Variants in ENOSF1 observed in about 807,000 individuals in gnomAD.
ENOSF1 encodes mitochondrial enolase superfamily member 1.
A neutral mutation model predicts 68.2 loss-of-function variants in ENOSF1; 73 were observed. That is an observed-to-expected ratio of 1.07 (90% CI 0.89 to 1.30). ENOSF1 has a LOEUF of 1.30. Ranked by LOEUF, ENOSF1 falls within the 50% of genes most tolerant of loss-of-function variation. ENOSF1 has a pLI of 0.00. For missense variants in ENOSF1, 589 were observed against 554.5 expected, an observed-to-expected ratio of 1.06 and a Z score of -0.62; for synonymous variants, 223 against 210.4, an observed-to-expected ratio of 1.06 and a Z score of -0.52.
At chr18:676,440 G>A (rs2075524650) in intron 14 of ENOSF1, among the ~76,000 whole-genome samples, 1 of 152,164 alleles carries the variant, frequency 6.6e-6, no homozygotes, top group Admixed American at 6.6e-5. Context: ...GTTTAAAAGT[G>A]TGTAGCACCT....
At chr18:690,711 C>A in intron 7 of ENOSF1, 80 bp from the exon 8 acceptor site, 1 of 1,588,888 alleles carries the variant, frequency 6.3e-7, no homozygotes, top group Non-Finnish European at 8.6e-7. Flanking sequence ...TAAGCTGTTT[C>A]CCCTGGAGAG....
chr18:663,119 TAC>T, the ENOSF1 span, among the ~76,000 whole-genome samples: 1 of 96,950 alleles, frequency 1.0e-5, no homozygotes, highest in Non-Finnish European at 1.9e-5. Flanking sequence ...TGAACTAGTT[TAC>T]AGTCCCACCA....
At chr18:690,701 T>TAAGCTGTTTCCCCTGGAGAGTC in intron 7 of ENOSF1, 70 bp from the exon 8 acceptor site, 2 of 1,121,848 alleles carry the variant, frequency 1.8e-6, no homozygotes, top group African/African-American at 2.4e-5. Flanking sequence ...TGCCTGTAGC[T>TAAGCTGTTTCCCCTGGAGAGTC]AAGCTGTTTC....
In ENOSF1 at chr18:670,445, G is replaced by C; in HGVS notation, c.*3860C>G. ...CCACGAGGTAGCCCAGATCCCTTCA[G>C]CTCTGATGGAAGAGCATTGCTTCAG... On this transcript the variant is annotated 3_prime_UTR_variant, in exon 16 of 16. Coordinates refer to ENST00000647584, the MANE Select transcript of ENOSF1 (RefSeq NM_017512.7). 1 of 502,022 alleles carries C rather than the reference G, an allele frequency of 2.0e-6. No homozygotes were observed. Among genetic ancestry groups the C allele is most frequent in the Non-Finnish European group, 3.6e-6 (1 of 280,092 alleles). 31.1% of individuals were successfully genotyped at this position (502,022 alleles called of 1,614,324 possible).
intron 2 of ENOSF1, among the ~76,000 whole-genome samples, chr18:699,002 C>G (rs1057362570): frequency 2.0e-5 from 3 of 152,158 alleles, no homozygotes; most frequent in Admixed American, 6.6e-5. Flanking sequence ...ACACGCAACA[C>G]CACACCAGCT....
intron 2 of ENOSF1, among the ~76,000 whole-genome samples, chr18:699,061 C>G (rs1464156064): frequency 1.3e-5 from 2 of 152,122 alleles, no homozygotes; most frequent in African/African-American, 4.8e-5. Context: ...TTGCATGGGG[C>G]AGTGGGTGGG....
At chr18:692,621 AAAAAAGAAAAAAG>A (rs2077306498) in intron 5 of ENOSF1, 7 of 808,142 alleles carry the variant, frequency 8.7e-6, no homozygotes, top group Non-Finnish European at 1.0e-5. Context: ...GAAAGAAAGA[AAAAAAGAAAAAAG>A]AAAAGAGTAC....
chr18:683,194 G>T (rs1443922388), intron 11 of ENOSF1, 52 bp downstream of exon 11: 1 of 1,608,148 alleles, frequency 6.2e-7, no homozygotes, highest in African/African-American at 1.3e-5. Context: ...CAGCACTCTG[G>T]AAAACTAAAC....
intron 11 of ENOSF1, among the ~76,000 whole-genome samples, chr18:682,273 A>G (rs2076151411): frequency 6.6e-6 from 1 of 152,190 alleles, no homozygotes; most frequent in Admixed American, 6.5e-5. Context: ...CCTAGGCTAT[A>G]TGGCATGGCC....
intron 13 of ENOSF1, 125 bp from the exon 14 acceptor site, chr18:677,569 A>G (rs1034535457): frequency 7.9e-6 from 10 of 1,267,544 alleles, no homozygotes; most frequent in African/African-American, 7.5e-5. Context: ...TTTAGGAAGG[A>G]AATTCCAAGA....
Position 670,489 on chromosome 18 carries a change from A to G in ENOSF1, c.*3816T>C. On this transcript the variant is annotated 3_prime_UTR_variant, in exon 16 of 16. Transcript: ENST00000647584. ...GCTTCAGCCGTAAATGGACACCTGCAGAAACCTTGCACCGATGGATAGTCT... is the reference window on the plus strand; with the variant it reads ...GCTTCAGCCGTAAATGGACACCTGCGGAAACCTTGCACCGATGGATAGTCT... 1.7e-6 allele frequency: 1 copy of G among 572,878 alleles called. No individual in the cohort carries two copies. Among genetic ancestry groups the G allele is most frequent in the East Asian group, 2.9e-5 (1 of 34,470 alleles). The allele number at this position is 572,878 out of a possible 1,614,324, so 35.5% of individuals were successfully genotyped here.
At chr18:701,480 C>G (rs2145320901) in intron 2 of ENOSF1, among the ~76,000 whole-genome samples, 1 of 152,096 alleles carries the variant, frequency 6.6e-6, no homozygotes, top group Middle Eastern at 3.4e-3. Flanking sequence ...AAAGGCTGGC[C>G]ACGGTGGCTC....
intron 1 of ENOSF1, among the ~76,000 whole-genome samples, chr18:711,641 C>CG (rs1568159217): frequency 6.6e-6 from 1 of 152,264 alleles, no homozygotes; most frequent in South Asian, 2.1e-4. Context: ...CCGCTCTAGA[C>CG]GGGGGCAGGG....
rs1555673646 is a variant in ENOSF1 at position 706,801 on chromosome 18, G to GTATATA, written c.85-229_85-224dup. 5.7e-3 allele frequency: 860 copies of GTATATA among 151,148 alleles called. 6 individuals are homozygous for GTATATA. Among genetic ancestry groups the GTATATA allele is most frequent in the African/African-American group, 0.014 (493 of 34,950 alleles). The allele number at this position is 151,148 out of a possible 1,614,324, so 9.4% of individuals were successfully genotyped here. A position where few individuals can be genotyped will look rare whatever the true frequency, so the allele number is the denominator to read the frequency against. ...AAATGTTTCAACAAGAGCAATGTAT[G>GTATATA]TATATATATATATATTTTTTTTTTT... On this transcript the variant is annotated intron_variant, in intron 1 of 15. Coordinates refer to ENST00000647584, the MANE Select transcript of ENOSF1 (RefSeq NM_017512.7).
At chr18:678,775 G>C (rs1176863030) in intron 11 of ENOSF1, 38 bp from the exon 12 acceptor site, 1 of 1,603,024 alleles carries the variant, frequency 6.2e-7, no homozygotes, top group Admixed American at 1.7e-5. Flanking sequence ...ATTTTCCTAA[G>C]TTTTGAACTG....
At chr18:667,950 T>A (rs2853525), downstream of ENOSF1, among the ~76,000 whole-genome samples, 6,828 of 148,528 alleles carry the variant, frequency 0.046, 523 homozygotes, top group African/African-American at 0.16. Flanking sequence ...TAGGAAAGTT[T>A]GTCCCTTTTT....
intron 4 of ENOSF1, 145 bp downstream of exon 4, chr18:694,103 A>C: frequency 9.5e-7 from 1 of 1,055,714 alleles, no homozygotes; most frequent in Non-Finnish European, 1.4e-6. Flanking sequence ...TACTGCCAAA[A>C]CCTCTCAGAG....
intron 5 of ENOSF1, 108 bp downstream of exon 5, chr18:693,774 G>A (rs1318044884): frequency 4.6e-5 from 71 of 1,557,926 alleles, no homozygotes; most frequent in Non-Finnish European, 5.7e-5. Context: ...CATCGCTATA[G>A]TGATCAACAG....
At chr18:667,565 T>C (rs201179564), downstream of ENOSF1, among the ~76,000 whole-genome samples, 80 of 60,248 alleles carry the variant, frequency 1.3e-3, 9 homozygotes, top group African/African-American at 9.9e-3. Flanking sequence ...ATGGTGATGG[T>C]GATGGAGATG....
Sources: gnomAD v4.1 joint callset for allele counts (sites outside exome capture counted in the v4.1 genomes callset) on GRCh38, gnomAD v4.1.1 for gene constraint, MANE v1.5 for transcripts, NCBI Gene and HGNC (gene_info 2026-07-23, HGNC 2026-07-21) for gene names.